The following NLRC4 variants were observed in gnomAD, a reference collection of about 807,000 sequenced individuals.
NLRC4 encodes the protein NLR family CARD domain containing 4.
NLRC4 carries 63 observed loss-of-function variants against 79.9 expected under a neutral mutation model. The ratio of observed to expected loss-of-function variants is 0.79; its 90% CI spans 0.64 to 0.97. The LOEUF (loss-of-function observed/expected upper bound fraction) is 0.97, where lower values mean the gene tolerates loss of function less well. NLRC4 is among the 50% of genes least tolerant of loss of function. NLRC4 has a pLI of 0.00. For missense variants in NLRC4, 1,074 were observed against 1,215.2 expected, an observed-to-expected ratio of 0.88 and a Z score of 1.73; for synonymous variants, 461 against 456.5, an observed-to-expected ratio of 1.01 and a Z score of -0.12.
intron 5 of NLRC4, among the ~76,000 whole-genome samples, chr2:32,240,401 CA>C (rs36105309): frequency 0.62 from 73,107 of 118,170 alleles, 20,575 homozygotes; most frequent in Admixed American, 0.64. Context: ...AAAAAAGAGC[CA>C]AAAAAAAAAA....
At position 32,252,432 on chromosome 2, in the gene NLRC4, G is replaced by A. The variant is rs117094017; in HGVS notation, c.249C>T (p.Asp83=). 4.7e-5 allele frequency: 75 copies of A among 1,608,174 alleles called. No individual in the cohort carries two copies. The highest frequency in any genetic ancestry group is 6.2e-5 in the Non-Finnish European group (73 of 1,174,632). ...LKEWNYPLFQ[D]LNGQSLFHQT... The stretch of plus-strand genomic sequence containing the variant: ...ACTGATACTTACTTTGTCCATTCAA[G>A]TCCTGAAATAGAGGATAGTTCCACT... Residue 83 remains aspartate (D), a synonymous_variant, in exon 3 of 9, where the codon GAC becomes GAT. Coordinates refer to ENST00000402280, the MANE Select transcript of NLRC4 (RefSeq NM_001199138.2).
intron 4 of NLRC4, among the ~76,000 whole-genome samples, chr2:32,246,743 T>C (rs192218487): frequency 6.6e-6 from 1 of 152,374 alleles, no homozygotes; most frequent in East Asian, 1.9e-4. Flanking sequence ...AATTTCATCA[T>C]GTTAGACAAT....
At chr2:32,261,293 C>T (rs1687338839) in intron 1 of NLRC4, among the ~76,000 whole-genome samples, 1 of 126,428 alleles carries the variant, frequency 7.9e-6, no homozygotes, top group Non-Finnish European at 1.7e-5. Context: ...TTTTCTCTTT[C>T]TTTCGCCTAT....
intron 3 of NLRC4, among the ~76,000 whole-genome samples, chr2:32,252,057 A>G (rs1687091203): frequency 6.6e-6 from 1 of 152,240 alleles, no homozygotes; most frequent in African/African-American, 2.4e-5. Context: ...AGGCCTGGAC[A>G]TGGAGTAGGT....
chr2:32,256,896 G>C lies in NLRC4; in HGVS notation c.-118-3C>G, dbSNP rs1178530025. 13 of 673,468 alleles carry C rather than the reference G, an allele frequency of 1.9e-5. No individual in the cohort carries two copies. Among genetic ancestry groups the C allele is most frequent in the Non-Finnish European group, 8.3e-6 (3 of 363,156 alleles). 41.7% of individuals were successfully genotyped at this position (673,468 alleles called of 1,614,324 possible). A position where few individuals can be genotyped will look rare whatever the true frequency, so the allele number is the denominator to read the frequency against. On this transcript the variant is annotated splice_region_variant and splice_polypyrimidine_tract_variant and intron_variant, in intron 1 of 8. Transcript: ENST00000402280. ...TTTCTGTAAAACTACTCTTCATTCT[G>C]TAAAACAAACAAAACAGAACCAGAG...
intron 4 of NLRC4, among the ~76,000 whole-genome samples, chr2:32,242,232 G>C (rs942860687): frequency 1.3e-5 from 2 of 151,984 alleles, no homozygotes; most frequent in African/African-American, 2.4e-5. Flanking sequence ...CTAAAAGTTG[G>C]ATCTTTGAAA....
In NLRC4 at chr2:32,235,393, G is replaced by T; in HGVS notation, c.2782+8C>A. 6.2e-7 allele frequency: 1 copy of T among 1,610,770 alleles called. No individual in the cohort carries two copies. The highest frequency in any genetic ancestry group is 8.5e-7 in the Non-Finnish European group (1 of 1,176,900). On this transcript the variant is annotated splice_region_variant and intron_variant, in intron 8 of 8. Coordinates refer to ENST00000402280, the MANE Select transcript of NLRC4 (RefSeq NM_001199138.2). ...CCAGTTATCTTGGCTCTGTATGTGTGTACCTACCTAAAATTCTAATCTCTG... is the reference window on the plus strand; with the variant it reads ...CCAGTTATCTTGGCTCTGTATGTGTTTACCTACCTAAAATTCTAATCTCTG...
chr2:32,251,276 C>A lies in NLRC4; in HGVS notation c.588G>T (p.Lys196Asn). The part of the protein sequence containing the change: ...WGSGKCKALT[K>N]FKFVFFLRLS... ...GACGGAGGAAGAAGACGAATTTGAA[C>A]TTGGTCAGAGCCTTGCACTTTCCGG... The change falls in exon 4 of 9, where the codon AAG becomes AAT. Residue 196 changes from lysine (K) to asparagine (N), a missense_variant. Transcript: ENST00000402280. The A allele has an allele frequency of 6.2e-7, 1 of 1,614,174 alleles. No homozygotes were observed.
At chr2:32,245,722 T>C (rs972275543) in intron 4 of NLRC4, among the ~76,000 whole-genome samples, 16 of 152,168 alleles carry the variant, frequency 1.1e-4, no homozygotes, top group Admixed American at 2.0e-4. Flanking sequence ...AAGCATCTCA[T>C]GTACCCCATA....
intron 5 of NLRC4, among the ~76,000 whole-genome samples, chr2:32,239,843 A>C (rs548357102): frequency 2.5e-4 from 38 of 152,352 alleles, no homozygotes; most frequent in Non-Finnish European, 4.9e-4. Flanking sequence ...GAGTTGAATT[A>C]GATGCTCTCA....
Position 32,249,775 on chromosome 2 carries a change from A to T in NLRC4, c.2089T>A (p.Cys697Ser), listed in dbSNP as rs1573491986. Residue 697 changes from cysteine (C) to serine (S), a missense_variant, in exon 4 of 9, where the codon TGT (cysteine) becomes AGT (serine). By Grantham distance (112) the Cys-to-Ser change is moderately radical. Transcript: ENST00000402280. ...ATSLRLQIKR[C>S]AGVAGSLSLV... ...CTGAGGCTTCCAGCCACACCAGCAC[A>T]TCTCTTTATTTGCAGCCTGAGGCTT... is the stretch of plus-strand genomic sequence containing the variant. 1 of 1,614,228 alleles carries T rather than the reference A, an allele frequency of 6.2e-7. No homozygotes were observed.
At position 32,238,188 on chromosome 2, in the gene NLRC4, A is replaced by T; in HGVS notation, c.2465T>A (p.Leu822His). The T allele has an allele frequency of 6.2e-7, 1 of 1,613,830 alleles. No homozygotes were observed. Among genetic ancestry groups the T allele is most frequent in the Non-Finnish European group, 8.5e-7 (1 of 1,179,902 alleles). The change falls in exon 6 of 9, where the codon CTT becomes CAT. Residue 822 changes from leucine (L) to histidine (H), a missense_variant. By Grantham distance (99) the Leu-to-His change is moderately conservative (BLOSUM62 -3). Coordinates refer to ENST00000402280, the MANE Select transcript of NLRC4 (RefSeq NM_001199138.2). ...GCAGGAGACTAATTGAATTTCTTCA[A>T]GGTCACAGGGTTCACTTGACAGAGA... ...VKSLSSEPCD[L>H]EEIQLVSCCL...
At chr2:32,235,095 A>G (rs1241151025) in intron 8 of NLRC4, among the ~76,000 whole-genome samples, 14 of 152,140 alleles carry the variant, frequency 9.2e-5, no homozygotes, top group Admixed American at 8.5e-4. Flanking sequence ...ATTTCCTGAT[A>G]TTGGAGGGAG....
At chr2:32,236,159 A>G (rs936794156) in intron 7 of NLRC4, 88 bp downstream of exon 7, 1 of 773,134 alleles carries the variant, frequency 1.3e-6, no homozygotes, top group African/African-American at 1.8e-5. Context: ...ACACATGGGT[A>G]TAAAAGACCT....
intron 2 of NLRC4, among the ~76,000 whole-genome samples, chr2:32,253,219 G>A (rs1314893651): frequency 3.3e-5 from 5 of 151,400 alleles, no homozygotes; most frequent in South Asian, 2.1e-4. Flanking sequence ...ACGCGATCTC[G>A]GCTCACTGCA....
chr2:32,255,885 G>A (rs559693223), intron 2 of NLRC4, among the ~76,000 whole-genome samples: 23 of 151,586 alleles, frequency 1.5e-4, no homozygotes, highest in Admixed American at 7.9e-4. Context: ...ATGGTGGCAC[G>A]CGCCTGTGGT....
At chr2:32,242,152 C>T (rs557970581) in intron 4 of NLRC4, among the ~76,000 whole-genome samples, 3 of 152,100 alleles carry the variant, frequency 2.0e-5, no homozygotes, top group South Asian at 2.1e-4. Context: ...GGATTACAGG[C>T]GTGAGCCACC....
In NLRC4 at chr2:32,261,148, G is replaced by A. The variant is rs184991252; in HGVS notation, c.-119+3590C>T. 4.0e-3 allele frequency among the ~76,000 whole-genome samples: 603 copies of A among 149,520 alleles called. 9 individuals are homozygous for A. Among genetic ancestry groups the A allele is most frequent in the African/African-American group, 0.015 (591 of 40,660 alleles). ...GCGGAGCTTGCAGTGAGCCGAGATC[G>A]CAGCACTGCACTCCAGCCTGGGCGA... On this transcript the variant is annotated intron_variant, in intron 1 of 8. Coordinates refer to ENST00000402280, the MANE Select transcript of NLRC4 (RefSeq NM_001199138.2).
chr2:32,235,996 G>C (rs1281571436), intron 7 of NLRC4, among the ~76,000 whole-genome samples: 1 of 152,070 alleles, frequency 6.6e-6, no homozygotes, highest in African/African-American at 2.4e-5. Flanking sequence ...CTTGACAGTT[G>C]CCTCTTCAAA....
Sources: gnomAD v4.1 joint callset for allele counts (sites outside exome capture counted in the v4.1 genomes callset) on GRCh38, gnomAD v4.1.1 for gene constraint, MANE v1.5 for transcripts, NCBI Gene and HGNC (gene_info 2026-07-23, HGNC 2026-07-21) for gene names.